KCTD9: variants seen among roughly 807,000 people sequenced by gnomAD.
The protein encoded by KCTD9 is BTB/POZ domain-containing protein KCTD9.
KCTD9 carries 17 observed loss-of-function variants against 53.3 expected under a neutral mutation model. The ratio of observed to expected loss-of-function variants is 0.32; its 90% CI spans 0.22 to 0.48. The LOEUF (loss-of-function observed/expected upper bound fraction) is 0.48, where lower values mean the gene tolerates loss of function less well. Ranked by LOEUF, KCTD9 falls within the 20% of genes least tolerant of loss-of-function variation. The probability of loss-of-function intolerance (pLI) is 0.99; values close to 1 mark genes in which losing one functional copy is unlikely to be tolerated. For synonymous variants in KCTD9, 128 were observed against 162.7 expected (o/e 0.79, Z 1.62); for missense variants, 179 against 465.5 (o/e 0.38, Z 5.66).
intron 1 of KCTD9, among the ~76,000 whole-genome samples, chr8:25,452,197 T>C (rs1392853885): frequency 6.6e-6 from 1 of 152,118 alleles, no homozygotes; most frequent in Non-Finnish European, 1.5e-5. Flanking sequence ...GATCTTATTC[T>C]TTAAAAGATG....
chr8:25,437,654 G>A (rs1222616038), intron 6 of KCTD9, among the ~76,000 whole-genome samples: 1 of 151,786 alleles, frequency 6.6e-6, no homozygotes, highest in African/African-American at 2.4e-5. Context: ...CTCCAGCCTG[G>A]GTGACACAGC....
In KCTD9 at chr8:25,429,834, T is replaced by G. The variant is rs776062971; in HGVS notation, c.*23A>C. 1 of 1,117,712 alleles carries G rather than the reference T, an allele frequency of 8.9e-7. No homozygotes were observed. The highest frequency in any genetic ancestry group is 1.2e-5 in the South Asian group (1 of 80,566). The allele number at this position is 1,117,712 out of a possible 1,614,324, so 69.2% of individuals were successfully genotyped here. On this transcript the variant is annotated 3_prime_UTR_variant, in exon 12 of 12. Transcript: ENST00000221200. Reference sequence around the variant, plus strand: ...AAGGAAAACATTTTCATCTTTTACATCTTCCTCCAGCCCCTAAAATTCTCA... The same window carrying G: ...AAGGAAAACATTTTCATCTTTTACAGCTTCCTCCAGCCCCTAAAATTCTCA...
chr8:25,433,577 A>G (rs117216297), intron 9 of KCTD9, 142 bp from the exon 10 acceptor site: 237 of 444,342 alleles, frequency 5.3e-4, no homozygotes, highest in Non-Finnish European at 7.7e-4. Context: ...TGTTTACAAT[A>G]AAGGCTTTTC....
chr8:25,442,044 CA>C (rs1207372845), intron 3 of KCTD9, among the ~76,000 whole-genome samples: 4 of 151,764 alleles, frequency 2.6e-5, no homozygotes, highest in Non-Finnish European at 5.9e-5. Flanking sequence ...AAGAAAGTTT[CA>C]AACATAAAAG....
intron 1 of KCTD9, among the ~76,000 whole-genome samples, chr8:25,450,099 A>G (rs1241814757): frequency 1.3e-5 from 2 of 152,366 alleles, no homozygotes; most frequent in South Asian, 4.1e-4. Flanking sequence ...ACTACTAAGG[A>G]GCACAGTCTA....
chr8:25,441,692 T>G (rs1411552231), intron 3 of KCTD9, among the ~76,000 whole-genome samples: 2 of 151,880 alleles, frequency 1.3e-5, no homozygotes, highest in Non-Finnish European at 2.9e-5. Flanking sequence ...AAAAAGAGAA[T>G]AGCTTGAAAA....
At chr8:25,443,117 T>C (rs1268448125) in intron 3 of KCTD9, among the ~76,000 whole-genome samples, 2 of 152,166 alleles carry the variant, frequency 1.3e-5, no homozygotes, top group Admixed American at 6.5e-5. Context: ...ATACATTATA[T>C]ACAAATTTTA....
intron 1 of KCTD9, among the ~76,000 whole-genome samples, chr8:25,449,825 A>T (rs940163464): frequency 6.6e-6 from 1 of 151,338 alleles, no homozygotes; most frequent in African/African-American, 2.4e-5. Flanking sequence ...GAGCAGAAAA[A>T]AAAAAATGAA....
intron 3 of KCTD9, among the ~76,000 whole-genome samples, chr8:25,441,107 G>A (rs183730326): frequency 1.7e-4 from 26 of 151,946 alleles, no homozygotes; most frequent in Non-Finnish European, 3.1e-4. Context: ...TCCCTTCCAT[G>A]GACAAAGCCC....
At chr8:25,452,370 A>G (rs1470136553) in intron 1 of KCTD9, among the ~76,000 whole-genome samples, 1 of 152,178 alleles carries the variant, frequency 6.6e-6, no homozygotes, top group Non-Finnish European at 1.5e-5. Context: ...ACTTTGAAAA[A>G]CAATCTGGCA....
At chr8:25,437,429 C>T (rs1193948949) in intron 6 of KCTD9, among the ~76,000 whole-genome samples, 5 of 152,064 alleles carry the variant, frequency 3.3e-5, no homozygotes, top group Non-Finnish European at 4.4e-5. Flanking sequence ...AATCCCAGCA[C>T]TTTGGGAGGC....
At position 25,436,340 on chromosome 8, in the gene KCTD9, G is replaced by T; in HGVS notation, c.568-10C>A. 1.2e-6 allele frequency: 2 copies of T among 1,603,762 alleles called. 1 individual carries two copies. The highest frequency in any genetic ancestry group is 2.2e-5 in the South Asian group (2 of 90,804). Reference sequence around the variant, plus strand: ...CCGGTGGTTGAGAATTCTTAAAAAAGACATTAAGAAATTAGTGGAGTCTTT... The same window carrying T: ...CCGGTGGTTGAGAATTCTTAAAAAATACATTAAGAAATTAGTGGAGTCTTT... On this transcript the variant is annotated splice_polypyrimidine_tract_variant and intron_variant, in intron 7 of 11. Transcript: ENST00000221200.
intron 3 of KCTD9, 129 bp from the exon 4 acceptor site, chr8:25,440,802 C>A (rs2117409125): frequency 1.5e-6 from 1 of 655,514 alleles, no homozygotes; most frequent in Non-Finnish European, 2.7e-6. Flanking sequence ...GACAGCAATA[C>A]CCAAACCCAC....
chr8:25,441,807 CA>C, intron 3 of KCTD9, among the ~76,000 whole-genome samples: 1 of 152,070 alleles, frequency 6.6e-6, no homozygotes, highest in Admixed American at 6.6e-5. Flanking sequence ...GCCTGGGCAA[CA>C]GGGCAAAACC....
At position 25,442,040 on chromosome 8, in the gene KCTD9, G is replaced by A. The variant is rs577958516; in HGVS notation, c.215-1367C>T. ...TAAAATAAAAAGAAAGGAAAAGAAA[G>A]TTTCAAACATAAAAGACAAGTGTAA... On this transcript the variant is annotated intron_variant, in intron 3 of 11. Coordinates refer to ENST00000221200, the MANE Select transcript of KCTD9 (RefSeq NM_017634.4). Among the ~76,000 whole-genome samples the A allele has an allele frequency of 2.1e-4, 32 of 151,844 alleles. No individual in the cohort carries two copies. The Middle Eastern group carries it at 0.014, about 65-fold the overall frequency.
At chr8:25,437,781 T>C (rs1221285195) in intron 6 of KCTD9, among the ~76,000 whole-genome samples, 1 of 131,970 alleles carries the variant, frequency 7.6e-6, no homozygotes, top group Admixed American at 9.5e-5. Flanking sequence ...CCAGGAGGCA[T>C]AGGTTGCAGT....
Position 25,436,282 on chromosome 8 carries a change from C to G in KCTD9, c.616G>C (p.Val206Leu). Residue 206 changes from valine to leucine, a missense_variant, in exon 8 of 12, where the codon GTC becomes CTC. This residue lies in a region of KCTD9 where 115 missense variants were observed against 250.9 expected (regional missense o/e 0.46). Coordinates refer to ENST00000221200, the MANE Select transcript of KCTD9 (RefSeq NM_017634.4). ...DHSPISRKEF[V>L]RFLLATPTKS... ...GTTGGAGTTGCTAGCAAAAATCGGA[C>G]AAATTCCTTTCGGGATATTGGTGAA... The G allele has an allele frequency of 6.2e-7, 1 of 1,612,392 alleles. No individual in the cohort carries two copies. The highest frequency in any genetic ancestry group is 8.5e-7 in the Non-Finnish European group (1 of 1,179,672).
intron 1 of KCTD9, chr8:25,457,399 T>C: frequency 1.0e-6 from 1 of 984,782 alleles, no homozygotes. Context: ...GCAGAACAAC[T>C]TTCATGGGTG....
At chr8:25,443,811 T>C (rs756836046) in intron 3 of KCTD9, among the ~76,000 whole-genome samples, 5 of 152,220 alleles carry the variant, frequency 3.3e-5, no homozygotes, top group Non-Finnish European at 7.4e-5. Flanking sequence ...AACTATAAGC[T>C]TTCTTCCAAA....
Sources: allele counts gnomAD v4.1 joint callset (sites outside exome capture counted in the v4.1 genomes callset), GRCh38; gene constraint gnomAD v4.1.1; regional missense constraint gnomAD v4.1.1; transcripts MANE v1.5; gene names NCBI Gene and HGNC (gene_info 2026-07-23, HGNC 2026-07-21).